TSPAN16: variants seen among roughly 807,000 people sequenced by gnomAD.
The protein encoded by TSPAN16 is tetraspanin 16.
In TSPAN16, 23 loss-of-function variants were observed where a neutral mutation model predicts 25.2. That is an observed-to-expected ratio of 0.91 (90% CI 0.66 to 1.29). The LOEUF (loss-of-function observed/expected upper bound fraction) is 1.29, where lower values mean the gene tolerates loss of function less well. Among genes scored for constraint, TSPAN16 ranks in the 50% most tolerant of loss-of-function variants. The pLI, the probability that TSPAN16 is intolerant of heterozygous loss-of-function variation, is 0.00. For synonymous variants in TSPAN16, 123 were observed against 124.4 expected, an observed-to-expected ratio of 0.99 and a Z score of 0.08; for missense variants, 272 against 299.9, an observed-to-expected ratio of 0.91 and a Z score of 0.69.
intron 6 of TSPAN16, chr19:11,323,221 C>G (rs2080791371): frequency 1.3e-5 from 2 of 152,280 alleles, no homozygotes; most frequent in Middle Eastern, 6.8e-3. Context: ...ATTTTTGACT[C>G]CCGCCCACAT....
At chr19:11,311,124 A>C (rs913603036) in intron 5 of TSPAN16, among the ~76,000 whole-genome samples, 2 of 119,564 alleles carry the variant, frequency 1.7e-5, no homozygotes, top group South Asian at 5.5e-4. Flanking sequence ...GGCATGAGCC[A>C]TCGTGCCCAG....
At chr19:11,316,322 G>A (rs949425272), downstream of TSPAN16, among the ~76,000 whole-genome samples, 2 of 152,030 alleles carry the variant, frequency 1.3e-5, no homozygotes, top group Non-Finnish European at 2.9e-5. Context: ...GTTTCACCAT[G>A]TTGGCCAGGC....
chr19:11,316,113 GT>G, downstream of TSPAN16: 4 of 311,852 alleles, frequency 1.3e-5, no homozygotes, highest in Non-Finnish European at 1.5e-5. Context: ...GTGTGTGTGT[GT>G]GTGGTTTTTT....
At position 11,297,482 on chromosome 19, in the gene TSPAN16, ATTATT is replaced by A. The variant is rs61261243; in HGVS notation, c.70-632_70-628del. On this transcript the variant is annotated intron_variant, in intron 1 of 6. Transcript: ENST00000590327. The stretch of plus-strand genomic sequence containing the variant: ...AAATTGCTAATCCCTGTCCTATGAC[ATTATT>A]TTATTTTATTTTATTTTATTTTATT... 9.1e-4 allele frequency among the ~76,000 whole-genome samples: 134 copies of A among 147,050 alleles called. 1 individual carries two copies. The East Asian group carries it at 0.01, about 11-fold the overall frequency.
At chr19:11,297,283 C>T (rs2080488822) in intron 1 of TSPAN16, among the ~76,000 whole-genome samples, 2 of 152,014 alleles carry the variant, frequency 1.3e-5, no homozygotes, top group Admixed American at 6.6e-5. Flanking sequence ...GTGAGATCCC[C>T]ATCTCTATTT....
chr19:11,325,928 A>C (rs948487883), intron 6 of TSPAN16, among the ~76,000 whole-genome samples: 6 of 152,112 alleles, frequency 3.9e-5, no homozygotes, highest in Non-Finnish European at 7.3e-5. Context: ...TTTTTTAAAA[A>C]GTAGATGGGC....
intron 6 of TSPAN16, chr19:11,325,272 A>G (rs2080804988): frequency 3.1e-6 from 2 of 643,264 alleles, no homozygotes; most frequent in African/African-American, 1.8e-5. Context: ...GCCATGCAGG[A>G]GTCGGGGAGC....
intron 3 of TSPAN16, 156 bp from the exon 4 acceptor site, chr19:11,301,045 G>A (rs2080541031): frequency 1.6e-6 from 1 of 607,072 alleles, no homozygotes; most frequent in South Asian, 1.9e-5. Context: ...GCCTTCGTGT[G>A]TCTTCCTCTA....
chr19:11,298,966 TC>T lies in TSPAN16; in HGVS notation c.342+23del. 6.2e-7 allele frequency: 1 copy of T among 1,610,848 alleles called. No homozygotes were observed. Among genetic ancestry groups the T allele is most frequent in the Non-Finnish European group, 8.5e-7 (1 of 1,177,326 alleles). On this transcript the variant is annotated intron_variant, in intron 3 of 6. Transcript: ENST00000590327. Reference sequence around the variant, plus strand: ...CCAATTGTAAGTACAGCCCTGCTCCTCCCACATAGCATTAGAAAGATAAAGA... The same window carrying T: ...CCAATTGTAAGTACAGCCCTGCTCCTCCACATAGCATTAGAAAGATAAAGA...
At chr19:11,312,451 A>C in intron 6 of TSPAN16, 2 of 361,780 alleles carry the variant, frequency 5.5e-6, no homozygotes, top group Non-Finnish European at 1.0e-5. Flanking sequence ...TAAAACCAAA[A>C]TTTGATTCTT....
At chr19:11,303,617 C>G (rs1041165669) in intron 4 of TSPAN16, among the ~76,000 whole-genome samples, 2 of 150,106 alleles carry the variant, frequency 1.3e-5, no homozygotes, top group Non-Finnish European at 3.0e-5. Flanking sequence ...TCAAGCGATC[C>G]TCCTAACTCA....
At chr19:11,313,840 C>T (rs1458380921) in intron 6 of TSPAN16, among the ~76,000 whole-genome samples, 1 of 152,154 alleles carries the variant, frequency 6.6e-6, no homozygotes, top group African/African-American at 2.4e-5. Context: ...TTTGTCCCAG[C>T]AACTTCTCTC....
At chr19:11,310,183 G>A (rs1034769348) in intron 5 of TSPAN16, among the ~76,000 whole-genome samples, 1 of 152,004 alleles carries the variant, frequency 6.6e-6, no homozygotes, top group Non-Finnish European at 1.5e-5. Flanking sequence ...GCCTCCAGAG[G>A]TGAGATGTGC....
chr19:11,319,415 T>G (rs2080764795), downstream of TSPAN16, among the ~76,000 whole-genome samples: 1 of 152,086 alleles, frequency 6.6e-6, no homozygotes, highest in Non-Finnish European at 1.5e-5. Context: ...CTGGCCTATA[T>G]GATGAAACCC....
At chr19:11,325,390 G>T in intron 6 of TSPAN16, 1 of 1,338,674 alleles carries the variant, frequency 7.5e-7, no homozygotes, top group South Asian at 1.2e-5. Context: ...GGGGGTTGGG[G>T]GCCATCTCTA....
downstream of TSPAN16, among the ~76,000 whole-genome samples, chr19:11,316,683 A>C (rs322140): frequency 0.38 from 57,816 of 151,828 alleles, 12,971 homozygotes; most frequent in African/African-American, 0.63. Context: ...ACATATCTAT[A>C]GGCTCACTTA....
At position 11,303,096 on chromosome 19, in the gene TSPAN16, C is replaced by T. The variant is rs953220584; in HGVS notation, c.450+1788C>T. ...TGAGAACGGGCCAGGATGACAATCGCGGCTTTGTGGAATAGAAAGGGGGGA... is the reference window on the plus strand; with the variant it reads ...TGAGAACGGGCCAGGATGACAATCGTGGCTTTGTGGAATAGAAAGGGGGGA... On this transcript the variant is annotated intron_variant, in intron 4 of 6. Transcript: ENST00000590327. 8.7e-5 allele frequency among the ~76,000 whole-genome samples: 13 copies of T among 149,860 alleles called. 1 individual carries two copies. Among genetic ancestry groups the T allele is most frequent in the African/African-American group, 2.8e-4 (11 of 39,716 alleles).
rs201261637 is a variant in TSPAN16, at chr19:11,326,305, CAGG to C, written c.688-485_688-483del. Among the ~76,000 whole-genome samples, 1,149 of 151,980 alleles carry C rather than the reference CAGG, an allele frequency of 7.6e-3. 6 individuals carry two copies. The highest frequency in any genetic ancestry group is 0.027 in the African/African-American group (1,099 of 41,412). On this transcript the variant is annotated intron_variant, in intron 6 of 6. Transcript: ENST00000316737. ...TTAAGGCAGGAGAATGGTTTGAGCC[CAGG>C]AGGTCAAGGCAGCAGTGAGCCATGA...
downstream of TSPAN16, among the ~76,000 whole-genome samples, chr19:11,318,011 G>A (rs73510621): frequency 0.055 from 8,376 of 151,828 alleles, 770 homozygotes; most frequent in African/African-American, 0.19. Context: ...CTGAACCACA[G>A]ATCCTGATCT....
Sources: gnomAD v4.1 joint callset for allele counts (sites outside exome capture counted in the v4.1 genomes callset) on GRCh38, gnomAD v4.1.1 for gene constraint, MANE v1.5 for transcripts, NCBI Gene and HGNC (gene_info 2026-07-23, HGNC 2026-07-21) for gene names.